The following HDAC8 variants were observed in gnomAD, a reference collection of about 807,000 sequenced individuals.
HDAC8 encodes the protein histone deacetylase 8.
In HDAC8, 1 loss-of-function variant was observed where a neutral mutation model predicts 32.2. That is an observed-to-expected ratio of 0.03 (90% confidence interval 0.01 to 0.15). The LOEUF (loss-of-function observed/expected upper bound fraction) is 0.15. HDAC8 is among the 10% of genes least tolerant of loss of function. The pLI, the probability that HDAC8 is intolerant of heterozygous loss-of-function variation, is 1.00. For missense variants in HDAC8, 117 were observed against 300.0 expected (o/e 0.39, Z 4.51); for synonymous variants, 108 against 113.9 (o/e 0.95, Z 0.33).
intron 7 of HDAC8, among the ~76,000 whole-genome samples, chrX:72,466,165 T>C (rs782731721): frequency 1.1e-4 from 12 of 111,358 alleles, no homozygotes; most frequent in South Asian, 3.8e-4. Flanking sequence ...GTGATGTCTG[T>C]TCTAAAAAGG....
At chrX:72,555,252 G>A (rs1460997188) in intron 4 of HDAC8, among the ~76,000 whole-genome samples, 3 of 112,030 alleles carry the variant, frequency 2.7e-5, no homozygotes, top group Non-Finnish European at 3.8e-5. Flanking sequence ...CTGAACAGCA[G>A]CGCTTGAATC....
Position 72,389,238 on chromosome X carries a change from C to A in HDAC8, c.1006-37400G>T, listed in dbSNP as rs551044308. 7.1e-4 allele frequency among the ~76,000 whole-genome samples: 79 copies of A among 111,840 alleles called. No homozygotes were observed. In the South Asian group the frequency reaches 0.029, roughly 41 times the overall value. On this transcript the variant is annotated intron_variant, in intron 9 of 10. Transcript: ENST00000373573. ...CAACTGCACAGGGAGACACGCTGAG[C>A]ATTCATAGCTAAAAAAGGATACTGA...
intron 4 of HDAC8, among the ~76,000 whole-genome samples, chrX:72,544,176 A>C (rs2050792318): frequency 8.9e-6 from 1 of 112,071 alleles, no homozygotes; most frequent in Admixed American, 9.5e-5. Flanking sequence ...GTCCTGTCTT[A>C]AAAGTGGCCT....
intron 9 of HDAC8, among the ~76,000 whole-genome samples, chrX:72,377,495 T>C (rs1226264599): frequency 8.9e-6 from 1 of 112,266 alleles, no homozygotes; most frequent in Non-Finnish European, 1.9e-5. Context: ...AAATGGAGTA[T>C]TGACATCTCC....
chrX:72,552,806 TGTATATATAC>T (rs1199905292), intron 4 of HDAC8, among the ~76,000 whole-genome samples: 13 of 95,031 alleles, frequency 1.4e-4, no homozygotes, highest in Non-Finnish European at 5.8e-5. Context: ...TATATGTATG[TGTATATATAC>T]GTATATATAC....
intron 9 of HDAC8, among the ~76,000 whole-genome samples, chrX:72,460,146 C>CT (rs1322629332): frequency 9.2e-6 from 1 of 109,041 alleles, no homozygotes; most frequent in Non-Finnish European, 1.9e-5. Flanking sequence ...ATTTTTTTTT[C>CT]TTTTTTTTGA....
rs191591644 is a variant in HDAC8, at chrX:72,445,718, A to C, written c.1005+16286T>G. Reference sequence around the variant, plus strand: ...TAAACTAAAGAGCTTCTGCACAGCAAAAAGAAACTACCATCAGAGTGAACA... The same window carrying C: ...TAAACTAAAGAGCTTCTGCACAGCACAAAGAAACTACCATCAGAGTGAACA... On this transcript the variant is annotated intron_variant, in intron 9 of 10. Transcript: ENST00000373573. Among the ~76,000 whole-genome samples the C allele has an allele frequency of 1.2e-3, 132 of 112,081 alleles. 2 individuals are homozygous for C. In the East Asian group the frequency reaches 0.034, roughly 29 times the overall value.
chrX:72,349,375 C>CTGGT (rs782477049), intron 10 of HDAC8, among the ~76,000 whole-genome samples: 1 of 112,445 alleles, frequency 8.9e-6, no homozygotes, highest in Admixed American at 9.4e-5. Context: ...CCACCTTGCC[C>CTGGT]TGGTGACTCA....
chrX:72,467,749 G>T, intron 7 of HDAC8: 1 of 385,193 alleles, frequency 2.6e-6, no homozygotes, highest in Non-Finnish European at 4.4e-6. Context: ...TACCCTGAAG[G>T]TTGATGAGGG....
chrX:72,478,392 T>C (rs974161145), intron 7 of HDAC8, among the ~76,000 whole-genome samples: 2 of 111,626 alleles, frequency 1.8e-5, no homozygotes, highest in African/African-American at 6.5e-5. Context: ...CTTGCCTGTA[T>C]TTAAATAGGA....
intron 4 of HDAC8, among the ~76,000 whole-genome samples, chrX:72,560,451 G>GA (rs1489728012): frequency 1.9e-5 from 2 of 106,421 alleles, no homozygotes; most frequent in African/African-American, 6.9e-5. Flanking sequence ...CTCTGCCTAG[G>GA]AAAACCAGAG....
intron 10 of HDAC8, among the ~76,000 whole-genome samples, chrX:72,335,942 A>G (rs2043672925): frequency 9.1e-6 from 1 of 109,509 alleles, no homozygotes; most frequent in African/African-American, 3.3e-5. Flanking sequence ...AACAACAACA[A>G]CAACAACAAC....
At chrX:72,350,418 A>G (rs1051803552) in intron 10 of HDAC8, among the ~76,000 whole-genome samples, 1 of 111,594 alleles carries the variant, frequency 9.0e-6, no homozygotes, top group South Asian at 3.8e-4. Flanking sequence ...CTCACAGCAA[A>G]GACTCTCCGA....
rs781858400 is a variant in HDAC8 at position 72,494,565 on chromosome X, C to T, written c.550+591G>A. On this transcript the variant is annotated intron_variant, in intron 5 of 10. Transcript: ENST00000373573. ...CTAGATGGAAAATACATAGGAGGGT[C>T]GGATAAATCCTGTCAGTGGAGTCTT... 1.8e-3 allele frequency among the ~76,000 whole-genome samples: 204 copies of T among 111,212 alleles called. 1 individual carries two copies. The highest frequency in any genetic ancestry group is 6.3e-3 in the African/African-American group (193 of 30,652).
At chrX:72,471,888 T>A (rs1335327043) in intron 7 of HDAC8, among the ~76,000 whole-genome samples, 2 of 111,345 alleles carry the variant, frequency 1.8e-5, no homozygotes, top group African/African-American at 6.5e-5. Context: ...TTTTTGCTTA[T>A]GTTTTTGGTG....
At chrX:72,374,045 T>C (rs1178007416) in intron 9 of HDAC8, among the ~76,000 whole-genome samples, 2 of 111,345 alleles carry the variant, frequency 1.8e-5, no homozygotes, top group Non-Finnish European at 3.8e-5. Context: ...AACTGGGTTA[T>C]TTTGCTCTTG....
intron 9 of HDAC8, among the ~76,000 whole-genome samples, chrX:72,443,101 C>T (rs1185457036): frequency 3.6e-5 from 4 of 109,599 alleles, no homozygotes; most frequent in African/African-American, 1.3e-4. Flanking sequence ...ACTTTAACAC[C>T]CCACTGTCAA....
At position 72,365,265 on chromosome X, in the gene HDAC8, G is replaced by A. The variant is rs1292903910; in HGVS notation, c.1006-13427C>T. Among the ~76,000 whole-genome samples the A allele has an allele frequency of 4.5e-5, 5 of 111,770 alleles. No homozygotes were observed. In the Admixed American group the frequency reaches 4.8e-4, roughly 11 times the overall value. ...TTAAAGTTCAGATTTTCAAATTTGG[G>A]ATGCTCAACCTATATTTGAAAACAC... On this transcript the variant is annotated intron_variant, in intron 9 of 10. Coordinates refer to ENST00000373573, the MANE Select transcript of HDAC8 (RefSeq NM_018486.3).
intron 9 of HDAC8, among the ~76,000 whole-genome samples, chrX:72,411,479 C>A (rs2046196374): frequency 8.9e-6 from 1 of 112,114 alleles, no homozygotes; most frequent in Non-Finnish European, 1.9e-5. Flanking sequence ...GTCTTCTTAG[C>A]ACTTATCACA....
Sources: allele counts gnomAD v4.1 joint callset (sites outside exome capture counted in the v4.1 genomes callset), GRCh38; gene constraint gnomAD v4.1.1; transcripts MANE v1.5; gene names NCBI Gene and HGNC (gene_info 2026-07-23, HGNC 2026-07-21).